FRMD5: variants seen among roughly 807,000 people sequenced by gnomAD.
The protein encoded by FRMD5 is FERM domain containing 5, also known as FERM domain-containing protein 5.
FRMD5 carries 20 observed loss-of-function variants against 69.0 expected under a neutral mutation model. The ratio of observed to expected loss-of-function variants is 0.29; its 90% CI spans 0.20 to 0.42. The LOEUF (loss-of-function observed/expected upper bound fraction) is 0.42, where lower values mean the gene tolerates loss of function less well. FRMD5 is among the 10% of genes least tolerant of loss of function. The probability of loss-of-function intolerance (pLI) is 1.00; values close to 1 mark genes in which losing one functional copy is unlikely to be tolerated. For missense variants in FRMD5, 595 were observed against 708.6 expected, an observed-to-expected ratio of 0.84 and a Z score of 1.82; for synonymous variants, 271 against 260.1, an observed-to-expected ratio of 1.04 and a Z score of -0.40.
intron 1 of FRMD5, among the ~76,000 whole-genome samples, chr15:44,062,437 T>C (rs1445382758): frequency 6.6e-6 from 1 of 152,146 alleles, no homozygotes; most frequent in Non-Finnish European, 1.5e-5. Context: ...ATGCCTGTAA[T>C]CCCAGCACTT....
intron 5 of FRMD5, among the ~76,000 whole-genome samples, chr15:43,907,101 A>T (rs987997271): frequency 2.6e-5 from 4 of 152,170 alleles, no homozygotes; most frequent in African/African-American, 9.6e-5. Flanking sequence ...CACAGGGAGG[A>T]TGGTGGGTAG....
chr15:44,178,863 G>A (rs748355765), intron 1 of FRMD5, among the ~76,000 whole-genome samples: 42 of 152,176 alleles, frequency 2.8e-4, no homozygotes, highest in Non-Finnish European at 4.1e-4. Context: ...GTGGTAGCAC[G>A]CACCTATAGT....
chr15:44,128,804 C>A (rs1308393714), intron 1 of FRMD5, among the ~76,000 whole-genome samples: 2 of 148,618 alleles, frequency 1.3e-5, no homozygotes, highest in African/African-American at 5.0e-5. Context: ...AAGATTTGAA[C>A]AAGGATAGAA....
At chr15:44,104,201 T>G (rs1265186886) in intron 1 of FRMD5, among the ~76,000 whole-genome samples, 1 of 152,200 alleles carries the variant, frequency 6.6e-6, no homozygotes, top group Non-Finnish European at 1.5e-5. Flanking sequence ...AAATAAATTT[T>G]AAATAGCGAA....
At chr15:44,016,602 AGTCC>A (rs1890968910) in intron 1 of FRMD5, among the ~76,000 whole-genome samples, 1 of 152,120 alleles carries the variant, frequency 6.6e-6, no homozygotes, top group East Asian at 1.9e-4. Flanking sequence ...ATGCACATGT[AGTCC>A]CAGCTACTTG....
At chr15:44,004,194 C>A (rs1447950306) in intron 1 of FRMD5, among the ~76,000 whole-genome samples, 1 of 152,220 alleles carries the variant, frequency 6.6e-6, no homozygotes, top group African/African-American at 2.4e-5. Flanking sequence ...AACACACCCA[C>A]ACCAGTGAGC....
intron 1 of FRMD5, among the ~76,000 whole-genome samples, chr15:44,021,990 T>C (rs1031046115): frequency 6.6e-6 from 1 of 152,162 alleles, no homozygotes; most frequent in African/African-American, 2.4e-5. Flanking sequence ...TGCTACAAGA[T>C]AGACGAACCT....
chr15:44,007,707 G>A (rs987884174), intron 1 of FRMD5, among the ~76,000 whole-genome samples: 74 of 140,364 alleles, frequency 5.3e-4, no homozygotes, highest in African/African-American at 1.9e-3. Flanking sequence ...GTGCAATGGC[G>A]TGATCTTGGC....
At chr15:44,055,957 C>T (rs1892854599) in intron 1 of FRMD5, among the ~76,000 whole-genome samples, 1 of 152,148 alleles carries the variant, frequency 6.6e-6, no homozygotes. Flanking sequence ...ATTTTCTAAC[C>T]ACCATTTTAC....
chr15:44,014,733 G>A (rs1429912252), intron 1 of FRMD5, among the ~76,000 whole-genome samples: 14 of 151,566 alleles, frequency 9.2e-5, no homozygotes, highest in Middle Eastern at 3.4e-3. Context: ...GCGAGACTTC[G>A]TCTCAAAAAA....
chr15:43,905,135 C>CTTT (rs746667752), intron 6 of FRMD5, among the ~76,000 whole-genome samples: 19 of 137,266 alleles, frequency 1.4e-4, no homozygotes, highest in African/African-American at 4.4e-4. Flanking sequence ...TCAACCTCTC[C>CTTT]TTTTTTTTTT....
chr15:44,139,727 C>CAAAAAAAAA (rs71111842), intron 1 of FRMD5, among the ~76,000 whole-genome samples: 233 of 72,054 alleles, frequency 3.2e-3, no homozygotes, highest in Non-Finnish European at 3.5e-3. Flanking sequence ...CCAGTCTCTA[C>CAAAAAAAAA]AAAAAAAAAA....
intron 1 of FRMD5, among the ~76,000 whole-genome samples, chr15:43,973,445 G>A (rs1268970100): frequency 6.6e-6 from 1 of 150,904 alleles, no homozygotes; most frequent in African/African-American, 2.4e-5. Context: ...TCCGCTCACT[G>A]GAACCTCCGC....
intron 4 of FRMD5, among the ~76,000 whole-genome samples, chr15:43,917,548 C>T (rs1187308621): frequency 6.6e-6 from 1 of 151,946 alleles, no homozygotes; most frequent in Non-Finnish European, 1.5e-5. Flanking sequence ...GATGGCCCGG[C>T]TAATTTTTGT....
chr15:44,105,872 G>T (rs2076709966), intron 1 of FRMD5, among the ~76,000 whole-genome samples: 1 of 152,122 alleles, frequency 6.6e-6, no homozygotes, highest in Non-Finnish European at 1.5e-5. Flanking sequence ...GCCCCTTGGG[G>T]ACTGGTTCCA....
intron 1 of FRMD5, among the ~76,000 whole-genome samples, chr15:44,145,244 C>G (rs1338427928): frequency 2.6e-5 from 4 of 152,082 alleles, no homozygotes; most frequent in Non-Finnish European, 5.9e-5. Context: ...ACTGAATGCA[C>G]CAGCTACTCA....
Position 43,919,377 on chromosome 15 carries a change from G to A in FRMD5, c.329+82C>T, listed in dbSNP as rs575839195. 491 of 1,177,562 alleles carry A rather than the reference G, an allele frequency of 4.2e-4. 2 individuals are homozygous for A. In the African/African-American group the frequency reaches 6.6e-3, roughly 16 times the overall value. The allele number at this position is 1,177,562 out of a possible 1,614,324, so 72.9% of individuals were successfully genotyped here. A position where few individuals can be genotyped will look rare whatever the true frequency, so the allele number is the denominator to read the frequency against. On this transcript the variant is annotated intron_variant, in intron 4 of 13. Transcript: ENST00000417257. ...CTCTAAGAGTTAGGCGCTTCCAAATGAGAGGCTCTAAGAGGTCACCATCCC... is the reference window on the plus strand; with the variant it reads ...CTCTAAGAGTTAGGCGCTTCCAAATAAGAGGCTCTAAGAGGTCACCATCCC...
At chr15:44,085,797 C>G (rs992439945) in intron 1 of FRMD5, among the ~76,000 whole-genome samples, 9 of 152,126 alleles carry the variant, frequency 5.9e-5, no homozygotes, top group African/African-American at 2.2e-4. Flanking sequence ...ATTTATTGAG[C>G]CCTATTATGC....
At chr15:44,042,208 T>C (rs1428394182) in intron 1 of FRMD5, among the ~76,000 whole-genome samples, 5 of 152,108 alleles carry the variant, frequency 3.3e-5, no homozygotes, top group Admixed American at 6.5e-5. Flanking sequence ...CCGGGACACA[T>C]ACACCCTCCT....
Sources: gnomAD v4.1 joint callset for allele counts (sites outside exome capture counted in the v4.1 genomes callset) on GRCh38, gnomAD v4.1.1 for gene constraint, MANE v1.5 for transcripts, NCBI Gene and HGNC (gene_info 2026-07-23, HGNC 2026-07-21) for gene names.